Variants in GRM5 observed in about 807,000 individuals in gnomAD.
GRM5 encodes the protein metabotropic glutamate receptor 5.
A neutral mutation model predicts 83.1 loss-of-function variants in GRM5; 19 were observed. That is an observed-to-expected ratio of 0.23 (90% CI 0.16 to 0.34). The LOEUF (loss-of-function observed/expected upper bound fraction) is 0.34. Ranked by LOEUF, GRM5 falls within the 10% of genes least tolerant of loss-of-function variation. The pLI is 1.00. For synonymous variants in GRM5, 675 were observed against 633.6 expected (o/e 1.07, Z -0.98); for missense variants, 1,160 against 1,588.3 (o/e 0.73, Z 4.58).
intron 1 of GRM5, among the ~76,000 whole-genome samples, chr11:89,052,094 G>C (rs546407052): frequency 1.3e-5 from 2 of 152,156 alleles, no homozygotes; most frequent in South Asian, 4.1e-4. Flanking sequence ...ACATAAACAC[G>C]TGAGGGGCAG....
chr11:88,557,389 G>C (rs1318499752), intron 8 of GRM5, among the ~76,000 whole-genome samples: 2 of 152,112 alleles, frequency 1.3e-5, no homozygotes, highest in East Asian at 3.9e-4. Context: ...GCAGAGAGGA[G>C]GGGAAGTTTT....
At chr11:88,844,357 TACACACACACACACAC>T (rs3031469) in intron 3 of GRM5, among the ~76,000 whole-genome samples, 1 of 146,110 alleles carries the variant, frequency 6.8e-6, no homozygotes, top group South Asian at 2.2e-4. Flanking sequence ...TCAGAATTAC[TACACACACACACACAC>T]ACACACACAC....
intron 2 of GRM5, among the ~76,000 whole-genome samples, chr11:88,972,006 A>G (rs1939178005): frequency 6.6e-6 from 1 of 152,120 alleles, no homozygotes; most frequent in African/African-American, 2.4e-5. Context: ...ACAAATTCAA[A>G]TAAGTGATAA....
intron 2 of GRM5, among the ~76,000 whole-genome samples, chr11:88,993,339 G>A (rs1940058985): frequency 6.6e-6 from 1 of 151,228 alleles, no homozygotes; most frequent in Admixed American, 6.6e-5. Context: ...CCCAGTGGCA[G>A]TTATTGAGGA....
intron 2 of GRM5, among the ~76,000 whole-genome samples, chr11:89,010,290 A>G (rs1437350325): frequency 2.0e-5 from 3 of 152,192 alleles, no homozygotes; most frequent in African/African-American, 7.2e-5. Context: ...TTTGGATTCC[A>G]AAGTCTAAGA....
At chr11:88,689,195 A>C (rs995514693) in intron 3 of GRM5, among the ~76,000 whole-genome samples, 3 of 152,212 alleles carry the variant, frequency 2.0e-5, no homozygotes, top group Non-Finnish European at 4.4e-5. Context: ...CATTCAACAA[A>C]TATTTACCAA....
chr11:88,833,883 A>G (rs1446340631), intron 3 of GRM5, among the ~76,000 whole-genome samples: 1 of 152,180 alleles, frequency 6.6e-6, no homozygotes, highest in Non-Finnish European at 1.5e-5. Context: ...GACAAATATT[A>G]CATGTTCTCA....
chr11:88,532,126 T>A (rs976751653), intron 8 of GRM5, among the ~76,000 whole-genome samples: 1 of 152,190 alleles, frequency 6.6e-6, no homozygotes, highest in African/African-American at 2.4e-5. Context: ...ATGTCTTATG[T>A]GTAAATTTTA....
Position 88,906,770 on chromosome 11 carries a change from A to G in GRM5, c.662-56615T>C, listed in dbSNP as rs1365398255. ...ACTTAATCTTACTAACATCATATTCATCTGCTAAAAATTGAGTAAATAATG... is the reference window on the plus strand; with the variant it reads ...ACTTAATCTTACTAACATCATATTCGTCTGCTAAAAATTGAGTAAATAATG... On this transcript the variant is annotated intron_variant, in intron 2 of 9. Transcript: ENST00000305447. Among the ~76,000 whole-genome samples, 7 of 152,320 alleles carry G rather than the reference A, an allele frequency of 4.6e-5. No individual in the cohort carries two copies. The East Asian group carries it at 1.4e-3, about 29-fold the overall frequency.
intron 3 of GRM5, among the ~76,000 whole-genome samples, chr11:88,806,743 G>T (rs1338434462): frequency 6.6e-6 from 1 of 152,094 alleles, no homozygotes; most frequent in South Asian, 2.1e-4. Flanking sequence ...AATCATGTGG[G>T]CATACAGTAT....
rs1465045188 is a variant in GRM5 at position 88,507,508 on chromosome 11, A to G, written c.*1084T>C. On this transcript the variant is annotated 3_prime_UTR_variant, in exon 10 of 10. Coordinates refer to ENST00000305447, the MANE Select transcript of GRM5 (RefSeq NM_001143831.3). ...AACAACAGTCTCTCAAATCATGACA[A>G]TGTCTTCATGGGGTCTATGGACCAC... is the stretch of plus-strand genomic sequence containing the variant. 1.3e-5 allele frequency: 2 copies of G among 152,344 alleles called. No homozygotes were observed. The highest frequency in any genetic ancestry group is 4.8e-5 in the African/African-American group (2 of 41,580). 9.4% of individuals were successfully genotyped at this position (152,344 alleles called of 1,614,324 possible). A position where few individuals can be genotyped will look rare whatever the true frequency, so the allele number is the denominator to read the frequency against.
At chr11:88,693,239 G>T (rs1940822288) in intron 3 of GRM5, among the ~76,000 whole-genome samples, 1 of 152,134 alleles carries the variant, frequency 6.6e-6, no homozygotes, top group Admixed American at 6.6e-5. Flanking sequence ...ACTTATAAAT[G>T]GGTGAGAGAA....
intron 4 of GRM5, among the ~76,000 whole-genome samples, chr11:88,626,399 CA>C (rs146540322): frequency 0.046 from 6,927 of 152,204 alleles, 293 homozygotes; most frequent in African/African-American, 0.12. Context: ...TATAAATGCA[CA>C]AACCTCTCCA....
chr11:88,991,088 C>T (rs368095745), intron 2 of GRM5, among the ~76,000 whole-genome samples: 7 of 152,168 alleles, frequency 4.6e-5, no homozygotes, highest in African/African-American at 1.2e-4. Context: ...TCTTTGCAGA[C>T]GACATGATTG....
intron 3 of GRM5, 130 bp from the exon 4 acceptor site, chr11:88,653,533 C>G: frequency 1.7e-6 from 1 of 600,894 alleles, no homozygotes; most frequent in East Asian, 2.7e-5. Context: ...CTATATTACA[C>G]CGACATGATT....
At chr11:88,740,652 C>A (rs1942008041) in intron 3 of GRM5, among the ~76,000 whole-genome samples, 1 of 152,012 alleles carries the variant, frequency 6.6e-6, no homozygotes. Flanking sequence ...GCTTTAGAGT[C>A]CATGCTGTTA....
At chr11:89,010,845 T>A (rs990511684) in intron 2 of GRM5, among the ~76,000 whole-genome samples, 4 of 151,798 alleles carry the variant, frequency 2.6e-5, no homozygotes, top group Non-Finnish European at 5.9e-5. Flanking sequence ...AGCCACACCA[T>A]GAGCTTGCAA....
At chr11:88,930,357 T>C (rs1196278588) in intron 2 of GRM5, among the ~76,000 whole-genome samples, 2 of 152,008 alleles carry the variant, frequency 1.3e-5, no homozygotes, top group African/African-American at 4.8e-5. Flanking sequence ...GAGGCTGCAA[T>C]GAGCTGTGTT....
intron 2 of GRM5, among the ~76,000 whole-genome samples, chr11:88,935,868 C>T (rs1280616765): frequency 6.6e-6 from 1 of 151,772 alleles, no homozygotes; most frequent in African/African-American, 2.4e-5. Flanking sequence ...GAGAATATTG[C>T]CTCATTAGTA....
Sources: allele counts gnomAD v4.1 joint callset (sites outside exome capture counted in the v4.1 genomes callset), GRCh38; gene constraint gnomAD v4.1.1; transcripts MANE v1.5; gene names NCBI Gene and HGNC (gene_info 2026-07-23, HGNC 2026-07-21).